The following LMNTD1 variants were observed in gnomAD, a reference collection of about 807,000 sequenced individuals.
LMNTD1 encodes lamin tail domain-containing protein 1.
Under a neutral mutation model 50.9 loss-of-function variants are expected in LMNTD1, and 35 were observed. The ratio of observed to expected loss-of-function variants is 0.69; its 90% CI spans 0.53 to 0.91. The LOEUF (loss-of-function observed/expected upper bound fraction) is 0.91. LMNTD1 is among the 40% of genes least tolerant of loss of function. The pLI, the probability that LMNTD1 is intolerant of heterozygous loss-of-function variation, is 0.00. For synonymous variants in LMNTD1, 153 were observed against 161.9 expected, an observed-to-expected ratio of 0.94 and a Z score of 0.42; for missense variants, 470 against 475.5, an observed-to-expected ratio of 0.99 and a Z score of 0.11.
intron 9 of LMNTD1, among the ~76,000 whole-genome samples, chr12:25,483,760 G>A (rs564110934): frequency 1.9e-4 from 21 of 111,852 alleles, no homozygotes; most frequent in African/African-American, 4.3e-4. Context: ...GCGACAGAGT[G>A]ACATTCCATC....
chr12:25,551,164 A>C (rs1225106735), intron 2 of LMNTD1, among the ~76,000 whole-genome samples: 1 of 152,212 alleles, frequency 6.6e-6, no homozygotes, highest in Non-Finnish European at 1.5e-5. Context: ...TTTCTCTTTC[A>C]ACATTCCTTA....
chr12:25,619,248 CTCTCTATATATATA>C (rs776158508), intron 1 of LMNTD1, among the ~76,000 whole-genome samples: 5 of 78,528 alleles, frequency 6.4e-5, no homozygotes, highest in Non-Finnish European at 1.3e-4. Context: ...CTCTCTCTCT[CTCTCTATATATATA>C]TATATATATA....
intron 4 of LMNTD1, among the ~76,000 whole-genome samples, chr12:25,532,375 T>C (rs959017350): frequency 2.0e-5 from 3 of 152,144 alleles, no homozygotes; most frequent in Non-Finnish European, 4.4e-5. Flanking sequence ...TTCCTTGAAG[T>C]TTCAACTGAA....
At chr12:25,483,250 C>A (rs894734517) in intron 9 of LMNTD1, among the ~76,000 whole-genome samples, 11 of 151,336 alleles carry the variant, frequency 7.3e-5, no homozygotes, top group Non-Finnish European at 2.9e-5. Context: ...CATGGCAAAA[C>A]CCTGTCTCTA....
chr12:25,489,485 C>CT (rs1938808153), intron 9 of LMNTD1, among the ~76,000 whole-genome samples: 1 of 143,552 alleles, frequency 7.0e-6, no homozygotes, highest in Admixed American at 7.0e-5. Flanking sequence ...CCTGCTTTGG[C>CT]TCGCGCACGG....
Position 25,530,465 on chromosome 12 carries a change from G to A in LMNTD1, c.492-3510C>T, listed in dbSNP as rs117963837. Among the ~76,000 whole-genome samples, 266 of 152,264 alleles carry A rather than the reference G, an allele frequency of 1.7e-3. 1 individual carries two copies. Among genetic ancestry groups the A allele is most frequent in the Middle Eastern group, 6.8e-3 (2 of 294 alleles). ...GCTTTGTTTGTATGTATATATGTGTGTGAGAGTGTATTTCATATAAGGAGC... is the reference window on the plus strand; with the variant it reads ...GCTTTGTTTGTATGTATATATGTGTATGAGAGTGTATTTCATATAAGGAGC... On this transcript the variant is annotated intron_variant, in intron 4 of 9. Transcript: ENST00000458174.
chr12:25,522,801 C>T (rs1941416971), intron 6 of LMNTD1, among the ~76,000 whole-genome samples: 1 of 152,054 alleles, frequency 6.6e-6, no homozygotes, highest in African/African-American at 2.4e-5. Context: ...TCCATAGACT[C>T]ATGGAATCTT....
intron 4 of LMNTD1, among the ~76,000 whole-genome samples, chr12:25,539,647 A>T (rs1416167583): frequency 1.3e-5 from 2 of 151,676 alleles, no homozygotes; most frequent in Non-Finnish European, 2.9e-5. Flanking sequence ...TGATACCCTA[A>T]CATCACAATT....
chr12:25,597,281 A>G (rs890668538), intron 1 of LMNTD1, among the ~76,000 whole-genome samples: 2 of 152,098 alleles, frequency 1.3e-5, no homozygotes, highest in Admixed American at 6.6e-5. Context: ...ATAAAAACAC[A>G]CATAGACTAA....
intron 1 of LMNTD1, among the ~76,000 whole-genome samples, chr12:25,575,782 G>A (rs984040770): frequency 3.3e-5 from 5 of 152,040 alleles, no homozygotes; most frequent in African/African-American, 9.7e-5. Context: ...TTGGTGTGCT[G>A]CACCCATTAA....
chr12:25,606,560 A>T (rs555644060), intron 1 of LMNTD1, among the ~76,000 whole-genome samples: 6 of 152,292 alleles, frequency 3.9e-5, no homozygotes, highest in African/African-American at 1.2e-4. Flanking sequence ...GAATTTTGTC[A>T]CAGGCCTTTT....
intron 1 of LMNTD1, among the ~76,000 whole-genome samples, chr12:25,600,048 T>C (rs1035113456): frequency 5.9e-5 from 9 of 152,076 alleles, no homozygotes; most frequent in Admixed American, 5.9e-4. Context: ...CTTCAAATTA[T>C]ACTACAGAGC....
intron 1 of LMNTD1, among the ~76,000 whole-genome samples, chr12:25,604,287 C>G (rs1051218953): frequency 1.4e-4 from 21 of 152,126 alleles, no homozygotes; most frequent in African/African-American, 5.1e-4. Flanking sequence ...GACAATTACT[C>G]AAGTATTGAA....
chr12:25,486,777 CT>C (rs1938659957), intron 9 of LMNTD1, among the ~76,000 whole-genome samples: 2 of 149,838 alleles, frequency 1.3e-5, no homozygotes, highest in Non-Finnish European at 3.0e-5. Context: ...TGGTTTTTGT[CT>C]TTGGCTCTGT....
At chr12:25,500,031 T>C (rs1314770280) in intron 9 of LMNTD1, 1 of 151,960 alleles carries the variant, frequency 6.6e-6, no homozygotes, top group Non-Finnish European at 1.5e-5. Context: ...TAACAAGAAG[T>C]GCACAGTGTA....
chr12:25,581,777 G>T (rs1945300097), intron 1 of LMNTD1, among the ~76,000 whole-genome samples: 2 of 152,108 alleles, frequency 1.3e-5, no homozygotes, highest in Non-Finnish European at 1.5e-5. Context: ...AGGTTATATG[G>T]GATAGCCTAT....
intron 8 of LMNTD1, among the ~76,000 whole-genome samples, chr12:25,509,432 T>C (rs1222002198): frequency 6.6e-6 from 1 of 152,250 alleles, no homozygotes; most frequent in Non-Finnish European, 1.5e-5. Context: ...ATTCTTTTAG[T>C]TTCCATCCTA....
chr12:25,492,883 T>C (rs10505968), intron 9 of LMNTD1, among the ~76,000 whole-genome samples: 39,709 of 152,100 alleles, frequency 0.26, 5,357 homozygotes, highest in Middle Eastern at 0.34. Flanking sequence ...CACAATCTAC[T>C]TTTCTGGACT....
chr12:25,568,638 A>G, intron 1 of LMNTD1, among the ~76,000 whole-genome samples: 1 of 152,232 alleles, frequency 6.6e-6, no homozygotes, highest in African/African-American at 2.4e-5. Context: ...CAGGCTTGGA[A>G]TGCCAAAGCC....
Sources: allele counts gnomAD v4.1 joint callset (sites outside exome capture counted in the v4.1 genomes callset), GRCh38; gene constraint gnomAD v4.1.1; transcripts MANE v1.5; gene names NCBI Gene and HGNC (gene_info 2026-07-23, HGNC 2026-07-21).